CNTNAP2: variants seen among roughly 807,000 people sequenced by gnomAD.
CNTNAP2 encodes contactin-associated protein-like 2.
In CNTNAP2, 98 loss-of-function variants were observed where a neutral mutation model predicts 155.2. The ratio of observed to expected loss-of-function variants is 0.63; its 90% CI spans 0.54 to 0.75. The LOEUF is 0.75. Among genes scored for constraint, CNTNAP2 ranks in the 30% least tolerant of loss-of-function variants. CNTNAP2 has a pLI of 0.00. For missense variants in CNTNAP2, 1,727 were observed against 1,688.1 expected, an observed-to-expected ratio of 1.02 and a Z score of -0.40; for synonymous variants, 651 against 631.2, an observed-to-expected ratio of 1.03 and a Z score of -0.47.
At chr7:147,524,273 C>T (rs1159317294) in intron 11 of CNTNAP2, among the ~76,000 whole-genome samples, 1 of 152,082 alleles carries the variant, frequency 6.6e-6, no homozygotes, top group East Asian at 1.9e-4. Context: ...GCCTGTAATC[C>T]CAGCTACTCG....
At chr7:146,441,444 C>A (rs1424081308) in intron 1 of CNTNAP2, among the ~76,000 whole-genome samples, 2 of 151,478 alleles carry the variant, frequency 1.3e-5, no homozygotes, top group Non-Finnish European at 2.9e-5. Context: ...AGATACACAT[C>A]AACTCTCTTC....
intron 8 of CNTNAP2, among the ~76,000 whole-genome samples, chr7:147,252,597 A>G (rs1374569098): frequency 6.6e-6 from 1 of 152,102 alleles, no homozygotes; most frequent in Non-Finnish European, 1.5e-5. Flanking sequence ...TTTCTTTTAG[A>G]CTGTTCCAAG....
intron 1 of CNTNAP2, among the ~76,000 whole-genome samples, chr7:146,300,725 A>G (rs1161678872): frequency 4.6e-5 from 7 of 152,114 alleles, no homozygotes; most frequent in African/African-American, 1.7e-4. Flanking sequence ...TATAAGTTGT[A>G]TATACAACTT....
At chr7:148,343,923 T>C (rs1798276971) in intron 21 of CNTNAP2, among the ~76,000 whole-genome samples, 5 of 152,204 alleles carry the variant, frequency 3.3e-5, no homozygotes, top group Admixed American at 3.3e-4. Context: ...GATTCGTAAT[T>C]CAGTGTTGCC....
Position 147,395,632 on chromosome 7 carries a change from T to C in CNTNAP2, c.1522T>C (p.Ser508Pro). 6.2e-7 allele frequency: 1 copy of C among 1,612,190 alleles called. No individual in the cohort carries two copies. The highest frequency in any genetic ancestry group is 8.5e-7 in the Non-Finnish European group (1 of 1,178,562). Residue 508 changes from serine to proline, a missense_variant, in exon 10 of 24, where the codon TCA becomes CCA. Transcript: ENST00000361727. ...AGGTTTTCTGAACCAGATGAATAAC[T>C]CAAGTCACTCTGTCCTTCAGCCTTC... is the stretch of plus-strand genomic sequence containing the variant. Reference protein sequence around the residue: ...FGGFLNQMNNSSHSVLQPSFQ... With the variant: ...FGGFLNQMNNPSHSVLQPSFQ...
chr7:147,317,339 A>G (rs1477620523), intron 9 of CNTNAP2, among the ~76,000 whole-genome samples: 1 of 152,156 alleles, frequency 6.6e-6, no homozygotes, highest in Non-Finnish European at 1.5e-5. Context: ...TGTGATTGCA[A>G]TACTTATTTA....
chr7:146,549,622 T>C (rs993406902), intron 1 of CNTNAP2, among the ~76,000 whole-genome samples: 2 of 152,042 alleles, frequency 1.3e-5, no homozygotes, highest in Non-Finnish European at 2.9e-5. Context: ...ATTTAAAAAC[T>C]ATTTTGAGTT....
intron 8 of CNTNAP2, among the ~76,000 whole-genome samples, chr7:147,295,604 T>G (rs1188407864): frequency 6.6e-6 from 1 of 152,180 alleles, no homozygotes; most frequent in Non-Finnish European, 1.5e-5. Flanking sequence ...TGCTGACATA[T>G]AAAAAGATCA....
intron 11 of CNTNAP2, among the ~76,000 whole-genome samples, chr7:147,514,341 T>G (rs1037902557): frequency 6.6e-6 from 1 of 151,756 alleles, no homozygotes; most frequent in African/African-American, 2.4e-5. Context: ...TAATTTTTTT[T>G]CTGTTTATAA....
At chr7:148,080,488 C>G (rs1021963804) in intron 15 of CNTNAP2, among the ~76,000 whole-genome samples, 1 of 151,386 alleles carries the variant, frequency 6.6e-6, no homozygotes, top group Admixed American at 6.6e-5. Flanking sequence ...GCCTGTAGTC[C>G]CAGCTACTCA....
At chr7:147,852,017 T>G (rs1045963763) in intron 13 of CNTNAP2, among the ~76,000 whole-genome samples, 6 of 152,324 alleles carry the variant, frequency 3.9e-5, no homozygotes, top group African/African-American at 1.4e-4. Flanking sequence ...GAACTACTTA[T>G]CCTGGGTCCC....
intron 10 of CNTNAP2, among the ~76,000 whole-genome samples, chr7:147,404,812 G>A (rs1172181878): frequency 6.6e-6 from 1 of 152,078 alleles, no homozygotes; most frequent in Non-Finnish European, 1.5e-5. Flanking sequence ...ATACCCAGGC[G>A]AACCCATGTT....
intron 3 of CNTNAP2, among the ~76,000 whole-genome samples, chr7:147,004,189 ATTAAAAC>A (rs1315617865): frequency 4.0e-5 from 6 of 149,738 alleles, no homozygotes; most frequent in African/African-American, 1.2e-4. Flanking sequence ...ATTCAATAAT[ATTAAAAC>A]TTAAAACTCA....
intron 3 of CNTNAP2, among the ~76,000 whole-genome samples, chr7:147,029,073 C>T (rs1390142322): frequency 6.7e-6 from 1 of 149,730 alleles, no homozygotes; most frequent in African/African-American, 2.5e-5. Context: ...ACGCCATTCT[C>T]CCGTCTCAGC....
chr7:147,385,401 T>C (rs112275569), intron 9 of CNTNAP2, among the ~76,000 whole-genome samples: 1 of 152,206 alleles, frequency 6.6e-6, no homozygotes, highest in African/African-American at 2.4e-5. Flanking sequence ...ACAAGGCAAG[T>C]CCTTTCTGCT....
At position 148,283,296 on chromosome 7, in the gene CNTNAP2, AAAGAAAGAAAGGAAGG is replaced by A. The variant is rs1196998187; in HGVS notation, c.3475+16174_3475+16189del. ...GAAAGAAAGAAAGAAAGAAAGAAAG[AAAGAAAGAAAGGAAGG>A]AAGGAAGGAAAGAAAGAAAGAATTC... On this transcript the variant is annotated intron_variant, in intron 21 of 23. Transcript: ENST00000361727. Among the ~76,000 whole-genome samples the A allele has an allele frequency of 2.8e-3, 275 of 97,076 alleles. 24 individuals carry two copies. Among genetic ancestry groups the A allele is most frequent in the African/African-American group, 0.016 (256 of 16,442 alleles). The allele number at this position is 97,076 out of a possible 152,430, so 63.7% of individuals were successfully genotyped here.
intron 1 of CNTNAP2, among the ~76,000 whole-genome samples, chr7:146,475,011 G>GCA (rs535358520): frequency 0.036 from 4,856 of 134,660 alleles, 166 homozygotes; most frequent in African/African-American, 0.1. Flanking sequence ...GCGCGCGCGC[G>GCA]CGCACACACA....
intron 22 of CNTNAP2, among the ~76,000 whole-genome samples, chr7:148,387,676 G>A (rs2116668850): frequency 6.6e-6 from 1 of 152,198 alleles, no homozygotes; most frequent in East Asian, 1.9e-4. Flanking sequence ...CAATTTAAAA[G>A]CTCTAATCTT....
At chr7:146,584,069 C>T (rs1033152615) in intron 1 of CNTNAP2, among the ~76,000 whole-genome samples, 1 of 152,104 alleles carries the variant, frequency 6.6e-6, no homozygotes, top group Non-Finnish European at 1.5e-5. Context: ...TCTATTTCTT[C>T]AAGACAAAAT....
Sources: allele counts gnomAD v4.1 joint callset (sites outside exome capture counted in the v4.1 genomes callset), GRCh38; gene constraint gnomAD v4.1.1; transcripts MANE v1.5; gene names NCBI Gene and HGNC (gene_info 2026-07-23, HGNC 2026-07-21).